The following ANTXR1 variants were observed in gnomAD, a reference collection of about 807,000 sequenced individuals.
The protein encoded by ANTXR1 is ANTXR cell adhesion molecule 1.
ANTXR1 carries 19 observed loss-of-function variants against 78.1 expected under a neutral mutation model. The ratio of observed to expected loss-of-function variants is 0.24; its 90% CI spans 0.17 to 0.36. ANTXR1 has a LOEUF of 0.36. ANTXR1 is among the 10% of genes least tolerant of loss of function. ANTXR1 has a pLI of 1.00. For synonymous variants in ANTXR1, 273 were observed against 260.5 expected, an observed-to-expected ratio of 1.05 and a Z score of -0.46; for missense variants, 518 against 718.6, an observed-to-expected ratio of 0.72 and a Z score of 3.19.
At chr2:69,230,032 T>C (rs959872095) in intron 17 of ANTXR1, among the ~76,000 whole-genome samples, 2 of 152,200 alleles carry the variant, frequency 1.3e-5, no homozygotes, top group Non-Finnish European at 2.9e-5. Context: ...ACCTCTAAAG[T>C]ATACTACCCA....
At chr2:69,127,862 A>C (rs550340768) in intron 12 of ANTXR1, among the ~76,000 whole-genome samples, 8 of 152,242 alleles carry the variant, frequency 5.3e-5, no homozygotes, top group South Asian at 4.2e-4. Flanking sequence ...AGGGAGAAGA[A>C]GACTTAGGGA....
chr2:69,081,248 G>A (rs1277569076), intron 8 of ANTXR1, among the ~76,000 whole-genome samples: 2 of 152,176 alleles, frequency 1.3e-5, no homozygotes, highest in African/African-American at 4.8e-5. Context: ...ACTCAGCTCT[G>A]GTTCCAAAGA....
intron 1 of ANTXR1, among the ~76,000 whole-genome samples, chr2:69,032,162 G>A (rs1196111178): frequency 1.3e-5 from 2 of 152,110 alleles, no homozygotes; most frequent in Non-Finnish European, 2.9e-5. Context: ...AGTGATGTTG[G>A]GAAGGATTAG....
At chr2:69,140,699 A>G (rs746321708) in intron 12 of ANTXR1, among the ~76,000 whole-genome samples, 2 of 152,244 alleles carry the variant, frequency 1.3e-5, no homozygotes, top group African/African-American at 2.4e-5. Flanking sequence ...CAATGGCTGT[A>G]TCACTGGAGG....
intron 14 of ANTXR1, 151 bp downstream of exon 14, chr2:69,170,440 G>A (rs1485939393): frequency 2.3e-6 from 2 of 885,546 alleles, no homozygotes; most frequent in East Asian, 2.6e-5. Context: ...CAGAAGGGAG[G>A]AAACTGTCTG....
chr2:69,237,870 G>C (rs1490777122), intron 17 of ANTXR1, among the ~76,000 whole-genome samples: 2 of 152,120 alleles, frequency 1.3e-5, no homozygotes. Context: ...ATGTGTGTGT[G>C]TGCACACGTG....
intron 17 of ANTXR1, among the ~76,000 whole-genome samples, chr2:69,204,425 T>C (rs562680779): frequency 1.3e-5 from 2 of 152,228 alleles, no homozygotes; most frequent in East Asian, 3.9e-4. Flanking sequence ...TCCCAGACCC[T>C]TCATTTTAGA....
chr2:69,204,128 A>C (rs1376166597), intron 17 of ANTXR1, among the ~76,000 whole-genome samples: 1 of 152,164 alleles, frequency 6.6e-6, no homozygotes, highest in Non-Finnish European at 1.5e-5. Flanking sequence ...CCTCCAGCTG[A>C]TGGCACCAAA....
rs59003994 is a variant in ANTXR1, at chr2:69,095,719, C to T, written c.703+4800C>T. Among the ~76,000 whole-genome samples the T allele has an allele frequency of 7.6e-3, 1,156 of 152,278 alleles. 18 individuals carry two copies. The highest frequency in any genetic ancestry group is 0.026 in the African/African-American group (1,089 of 41,560). The stretch of plus-strand genomic sequence containing the variant: ...GGAGTGGATGGTCTGAGCTCTCCCC[C>T]CATAGAATCATGTGAGCAGTGGCAG... On this transcript the variant is annotated intron_variant, in intron 9 of 17. Coordinates refer to ENST00000303714, the MANE Select transcript of ANTXR1 (RefSeq NM_032208.3).
intron 13 of ANTXR1, among the ~76,000 whole-genome samples, chr2:69,162,574 T>C (rs1386895385): frequency 6.6e-6 from 1 of 152,146 alleles, no homozygotes; most frequent in Non-Finnish European, 1.5e-5. Flanking sequence ...CTACTACACA[T>C]GAGCTCACAA....
chr2:69,119,612 A>G (rs939673856), intron 10 of ANTXR1, among the ~76,000 whole-genome samples: 4 of 152,196 alleles, frequency 2.6e-5, no homozygotes, highest in African/African-American at 7.2e-5. Flanking sequence ...ACCTTAGCTC[A>G]CTGTCATCCC....
intron 9 of ANTXR1, among the ~76,000 whole-genome samples, chr2:69,095,802 A>G (rs1178841355): frequency 6.6e-6 from 1 of 152,208 alleles, no homozygotes; most frequent in Non-Finnish European, 1.5e-5. Flanking sequence ...TCTCCTTTAC[A>G]GCTTCAGATT....
At chr2:69,082,142 G>A (rs948692831) in intron 8 of ANTXR1, among the ~76,000 whole-genome samples, 12 of 152,150 alleles carry the variant, frequency 7.9e-5, no homozygotes, top group Admixed American at 7.9e-4. Flanking sequence ...GAATCCATGT[G>A]GCCTGATCTG....
intron 3 of ANTXR1, among the ~76,000 whole-genome samples, chr2:69,065,424 CA>C (rs34601328): frequency 2.3e-3 from 156 of 66,756 alleles, no homozygotes; most frequent in Non-Finnish European, 4.2e-3. Context: ...GACTCCGTCT[CA>C]AAAAAAAAAA....
chr2:69,040,085 T>G lies in ANTXR1; in HGVS notation c.194T>G (p.Phe65Cys). 2 of 1,613,504 alleles carry G rather than the reference T, an allele frequency of 1.2e-6. No homozygotes were observed. The highest frequency in any genetic ancestry group is 1.7e-6 in the Non-Finnish European group (2 of 1,179,560). Residue 65 changes from phenylalanine to cysteine, a missense_variant, in exon 2 of 18, where the codon TTT (phenylalanine) becomes TGT (cysteine). Transcript: ENST00000303714. ...CACCACTGGAATGAAATCTATTACTTTGTGGAACAGTTGGCTCACAAATTC... is the reference window on the plus strand; with the variant it reads ...CACCACTGGAATGAAATCTATTACTGTGTGGAACAGTTGGCTCACAAATTC... Reference protein sequence around the residue: ...VLHHWNEIYYFVEQLAHKFIS... With the variant: ...VLHHWNEIYYCVEQLAHKFIS...
At chr2:69,162,974 G>A (rs999263373) in intron 13 of ANTXR1, among the ~76,000 whole-genome samples, 3 of 152,066 alleles carry the variant, frequency 2.0e-5, no homozygotes, top group African/African-American at 7.2e-5. Context: ...TGACAAAACT[G>A]CAATTACTTT....
At chr2:69,071,667 T>G (rs1670569764) in intron 4 of ANTXR1, 87 bp from the exon 5 acceptor site, 14 of 1,345,696 alleles carry the variant, frequency 1.0e-5, no homozygotes, top group Non-Finnish European at 1.5e-5. Flanking sequence ...TGGCTGCATA[T>G]TCAACAACAG....
Position 69,249,125 on chromosome 2 carries a change from C to T in ANTXR1, c.*3640C>T, listed in dbSNP as rs1434590891. ...TGGGCAAAACCTGTACAATGACAAC[C>T]CTGGAAGTTGCTTTTTTTAAAAAAA... On this transcript the variant is annotated 3_prime_UTR_variant, in exon 18 of 18. Coordinates refer to ENST00000303714, the MANE Select transcript of ANTXR1 (RefSeq NM_032208.3). The T allele has an allele frequency of 1.3e-5, 2 of 152,018 alleles. No individual in the cohort carries two copies. The highest frequency in any genetic ancestry group is 3.8e-4 in the East Asian group (2 of 5,198). The allele number at this position is 152,018 out of a possible 1,614,324, so 9.4% of individuals were successfully genotyped here.
At chr2:69,208,981 C>T (rs1674972696) in intron 17 of ANTXR1, among the ~76,000 whole-genome samples, 2 of 152,174 alleles carry the variant, frequency 1.3e-5, no homozygotes, top group Admixed American at 6.5e-5. Context: ...CAGCTCACTG[C>T]AGCCCCGACC....
Sources: allele counts gnomAD v4.1 joint callset (sites outside exome capture counted in the v4.1 genomes callset), GRCh38; gene constraint gnomAD v4.1.1; transcripts MANE v1.5; gene names NCBI Gene and HGNC (gene_info 2026-07-23, HGNC 2026-07-21).